Variants in NKAIN3 observed in about 807,000 individuals in gnomAD.
The protein encoded by NKAIN3 is sodium/potassium transporting ATPase interacting 3, also known as sodium/potassium-transporting ATPase subunit beta-1-interacting protein 3.
In NKAIN3, 25 loss-of-function variants were observed where a neutral mutation model predicts 30.2. The ratio of observed to expected loss-of-function variants is 0.83; its 90% CI spans 0.60 to 1.16. NKAIN3 has a LOEUF of 1.16. Ranked by LOEUF, NKAIN3 falls within the 50% of genes most tolerant of loss-of-function variation. The probability of loss-of-function intolerance (pLI) is 0.00; values close to 1 mark genes in which losing one functional copy is unlikely to be tolerated. For synonymous variants in NKAIN3, 91 were observed against 89.6 expected, an observed-to-expected ratio of 1.02 and a Z score of -0.09; for missense variants, 225 against 254.1, an observed-to-expected ratio of 0.89 and a Z score of 0.78.
At chr8:62,764,757 T>C (rs191821247) in intron 4 of NKAIN3, among the ~76,000 whole-genome samples, 1 of 152,342 alleles carries the variant, frequency 6.6e-6, no homozygotes, top group Non-Finnish European at 1.5e-5. Flanking sequence ...TTTCGTCTGC[T>C]TGACAATGTC....
chr8:62,337,008 A>G (rs902131291), intron 1 of NKAIN3, among the ~76,000 whole-genome samples: 1 of 152,120 alleles, frequency 6.6e-6, no homozygotes, highest in African/African-American at 2.4e-5. Context: ...ACTTTCATGC[A>G]GATGGCTAGA....
chr8:62,260,883 C>A (rs1812418818), intron 1 of NKAIN3, among the ~76,000 whole-genome samples: 1 of 152,110 alleles, frequency 6.6e-6, no homozygotes, highest in South Asian at 2.1e-4. Flanking sequence ...TATTTTACAT[C>A]TACACGGTAC....
At chr8:62,700,983 T>C (rs1814313933) in intron 3 of NKAIN3, among the ~76,000 whole-genome samples, 1 of 152,234 alleles carries the variant, frequency 6.6e-6, no homozygotes, top group African/African-American at 2.4e-5. Flanking sequence ...ATCCTTTATC[T>C]TAACTGTAAA....
chr8:62,591,845 G>C (rs1006159158), intron 3 of NKAIN3, among the ~76,000 whole-genome samples: 6 of 151,888 alleles, frequency 4.0e-5, no homozygotes, highest in Non-Finnish European at 8.8e-5. Flanking sequence ...ATCTATTTTG[G>C]AAAATAAAGC....
At chr8:62,732,536 G>T (rs1815505980) in intron 3 of NKAIN3, among the ~76,000 whole-genome samples, 1 of 143,186 alleles carries the variant, frequency 7.0e-6, no homozygotes, top group Admixed American at 7.3e-5. Flanking sequence ...CTAATTTAGG[G>T]GCCCAGGGTT....
intron 1 of NKAIN3, among the ~76,000 whole-genome samples, chr8:62,484,207 A>T (rs1381872469): frequency 6.6e-6 from 1 of 151,788 alleles, no homozygotes; most frequent in Non-Finnish European, 1.5e-5. Flanking sequence ...GTCACCTCTC[A>T]TCTCCCTCGG....
chr8:62,353,704 A>G (rs186644941), intron 1 of NKAIN3, among the ~76,000 whole-genome samples: 2 of 152,304 alleles, frequency 1.3e-5, no homozygotes, highest in African/African-American at 4.8e-5. Flanking sequence ...AATACTTACT[A>G]ATAAATAAAT....
At position 62,978,311 on chromosome 8, in the gene NKAIN3, T is replaced by C. The variant is rs1902233; in HGVS notation, c.*12904T>C. 16,301 of 152,526 alleles carry C rather than the reference T, an allele frequency of 0.11. 924 individuals are homozygous for C. The highest frequency in any genetic ancestry group is 0.17 in the South Asian group (821 of 4,826). The allele number at this position is 152,526 out of a possible 1,614,324, so 9.4% of individuals were successfully genotyped here. On this transcript the variant is annotated 3_prime_UTR_variant, in exon 7 of 7. Transcript: ENST00000623646. ...ATGTTTAAGTCTGCTGAAGCTGCGC[T>C]CACAGCTGCCCCTTCCCCCAGGTGC...
At chr8:62,903,811 G>A (rs1485201654) in intron 4 of NKAIN3, among the ~76,000 whole-genome samples, 1 of 152,158 alleles carries the variant, frequency 6.6e-6, no homozygotes, top group African/African-American at 2.4e-5. Flanking sequence ...CCTTTTCACA[G>A]GGTGGCGGGA....
chr8:62,851,031 C>G (rs1481056276), intron 4 of NKAIN3, among the ~76,000 whole-genome samples: 3 of 151,720 alleles, frequency 2.0e-5, no homozygotes, highest in African/African-American at 7.3e-5. Flanking sequence ...CATTGAATCT[C>G]TAAATTACCT....
intron 1 of NKAIN3, among the ~76,000 whole-genome samples, chr8:62,479,493 A>G (rs540787642): frequency 6.6e-5 from 10 of 152,290 alleles, no homozygotes; most frequent in South Asian, 4.1e-4. Flanking sequence ...TTGTATTGTC[A>G]TGGCTAAGAC....
At chr8:62,385,343 G>A (rs984426134) in intron 1 of NKAIN3, among the ~76,000 whole-genome samples, 2 of 152,068 alleles carry the variant, frequency 1.3e-5, no homozygotes, top group Non-Finnish European at 2.9e-5. Flanking sequence ...AGCCTATGGT[G>A]GGTATTGTTC....
chr8:62,597,375 C>A (rs562230449), intron 3 of NKAIN3, among the ~76,000 whole-genome samples: 246 of 152,104 alleles, frequency 1.6e-3, no homozygotes, highest in African/African-American at 5.6e-3. Context: ...TTTCGCTTTT[C>A]ATGGTGAAAA....
Position 62,377,970 on chromosome 8 carries a change from G to A in NKAIN3, c.54+128843G>A, listed in dbSNP as rs192323637. 2.0e-3 allele frequency among the ~76,000 whole-genome samples: 302 copies of A among 152,306 alleles called. 4 individuals are homozygous for A. Among genetic ancestry groups the A allele is most frequent in the Non-Finnish European group, 3.4e-3 (228 of 68,024 alleles). On this transcript the variant is annotated intron_variant, in intron 1 of 6. Coordinates refer to ENST00000623646, the MANE Select transcript of NKAIN3 (RefSeq NM_001304533.3). ...TACTCAAAATGTGGAAGTGACTTTG[G>A]AACTGAGTAACAGGCAGAGGTTGAA...
At chr8:62,450,885 A>C (rs1269174827) in intron 1 of NKAIN3, among the ~76,000 whole-genome samples, 3 of 152,214 alleles carry the variant, frequency 2.0e-5, no homozygotes, top group Middle Eastern at 3.2e-3. Context: ...CTTCACTATA[A>C]GCTTGTGAAA....
rs1585983308 is a variant in NKAIN3, at chr8:62,589,755, C to G, written c.234C>G (p.Phe78Leu). 1.9e-6 allele frequency: 3 copies of G among 1,605,240 alleles called. No individual in the cohort carries two copies. Among genetic ancestry groups the G allele is most frequent in the Non-Finnish European group, 2.6e-6 (3 of 1,174,192 alleles). ...WTALWVTWNV[F>L]IICFYLEVGG... ...CCCTCTGGGTCACCTGGAATGTGTT[C>G]ATTATCTGCTTTTATTTGGAAGTAG... is the stretch of plus-strand genomic sequence containing the variant. Residue 78 changes from phenylalanine to leucine, a missense_variant, in exon 3 of 7, where the codon TTC (phenylalanine) becomes TTG (leucine). By Grantham distance (22) the Phe-to-Leu change is conservative (BLOSUM62 0). Transcript: ENST00000623646.
intron 4 of NKAIN3, among the ~76,000 whole-genome samples, chr8:62,759,308 T>C (rs1816563438): frequency 6.6e-6 from 1 of 152,166 alleles, no homozygotes; most frequent in African/African-American, 2.4e-5. Context: ...CAATATTTAA[T>C]TTAGTAATGG....
chr8:62,326,407 A>G (rs1185616836), intron 1 of NKAIN3, among the ~76,000 whole-genome samples: 1 of 151,912 alleles, frequency 6.6e-6, no homozygotes, highest in South Asian at 2.1e-4. Flanking sequence ...CATTTCTGGA[A>G]AAGTTTTTCC....
chr8:62,418,513 T>C lies in NKAIN3; in HGVS notation c.55-161026T>C, dbSNP rs756946243. On this transcript the variant is annotated intron_variant, in intron 1 of 6. Transcript: ENST00000623646. ...TTGCTCCCATGGCTGTAGCTGGTCC[T>C]GGGGCTGCAATTGATCTTTGCGATC... Among the ~76,000 whole-genome samples the C allele has an allele frequency of 4.6e-4, 70 of 152,278 alleles. 1 individual carries two copies. Among genetic ancestry groups the C allele is most frequent in the South Asian group, 1.5e-3 (7 of 4,824 alleles).
Sources: gnomAD v4.1 joint callset for allele counts (sites outside exome capture counted in the v4.1 genomes callset) on GRCh38, gnomAD v4.1.1 for gene constraint, MANE v1.5 for transcripts, NCBI Gene and HGNC (gene_info 2026-07-23, HGNC 2026-07-21) for gene names.